The following PNPT1 variants were observed in gnomAD, a reference collection of about 807,000 sequenced individuals.
PNPT1 encodes polyribonucleotide nucleotidyltransferase 1.
Under a neutral mutation model 119.5 loss-of-function variants are expected in PNPT1, and 53 were observed. The observed-to-expected ratio is 0.44, with a 90% CI of 0.36 to 0.56. The LOEUF (loss-of-function observed/expected upper bound fraction) is 0.56, where lower values mean the gene tolerates loss of function less well. PNPT1 is among the 20% of genes least tolerant of loss of function. The probability of loss-of-function intolerance (pLI) is 0.00; values close to 1 mark genes in which losing one functional copy is unlikely to be tolerated. For synonymous variants in PNPT1, 357 were observed against 322.1 expected (o/e 1.11, Z -1.16); for missense variants, 948 against 938.5 (o/e 1.01, Z -0.13).
intron 1 of PNPT1, 132 bp downstream of exon 1, chr2:55,693,531 G>A: frequency 7.6e-7 from 1 of 1,320,096 alleles, no homozygotes; most frequent in Non-Finnish European, 1.0e-6. Flanking sequence ...GGGAAATTTG[G>A]AATTTAGGTT....
rs374234788 is a variant in PNPT1, at chr2:55,693,609, G to A, written c.161+54C>T. ...TACCCTGGGAGATGAATACGCTCAA[G>A]CTGGCTGGACAAGACACCTTATGAC... On this transcript the variant is annotated intron_variant, in intron 1 of 27. Transcript: ENST00000447944. 3.6e-5 allele frequency: 58 copies of A among 1,597,436 alleles called. No individual in the cohort carries two copies. The African/African-American group carries it at 7.0e-4, about 19-fold the overall frequency.
intron 1 of PNPT1, among the ~76,000 whole-genome samples, chr2:55,690,932 G>A (rs766015504): frequency 5.9e-5 from 9 of 152,192 alleles, no homozygotes; most frequent in Non-Finnish European, 1.0e-4. Context: ...GCTGAAATCA[G>A]TATTAAGTAA....
At chr2:55,657,284 GCA>G (rs1696415693) in intron 15 of PNPT1, among the ~76,000 whole-genome samples, 1 of 151,664 alleles carries the variant, frequency 6.6e-6, no homozygotes. Context: ...AGCCGAGACT[GCA>G]CCACTGCACT....
rs1485838680 is a variant in PNPT1, at chr2:55,643,408, CCTGA to C, written c.1920_1923del (p.Ser640ArgfsTer36). Reference sequence around the variant, plus strand: ...AATACAGAAAACGTTTCTTCATCCACCTGACTAATAGTTACACCTTTTAAAAACA... The same window carrying C: ...AATACAGAAAACGTTTCTTCATCCACCTAATAGTTACACCTTTTAAAAACA... On this transcript the variant is annotated frameshift_variant, in exon 24 of 28. Transcript: ENST00000447944. LOFTEE classifies it high-confidence loss of function. The C allele has an allele frequency of 3.1e-6, 5 of 1,613,776 alleles. No homozygotes were observed. The highest frequency in any genetic ancestry group is 3.3e-5 in the Admixed American group (2 of 59,996).
chr2:55,683,857 A>G (rs1038768179), intron 4 of PNPT1, 23 bp from the exon 5 acceptor site: 10 of 1,610,702 alleles, frequency 6.2e-6, no homozygotes, highest in Non-Finnish European at 7.6e-6. Flanking sequence ...AAAAAAACAC[A>G]TTAAACCGTA....
chr2:55,659,776 T>A (rs969860810), intron 15 of PNPT1, among the ~76,000 whole-genome samples: 59 of 152,282 alleles, frequency 3.9e-4, no homozygotes, highest in African/African-American at 1.4e-3. Flanking sequence ...AAATTGACCT[T>A]AATAGATATA....
At chr2:55,636,599 G>C (rs142470646) in intron 27 of PNPT1, among the ~76,000 whole-genome samples, 19 of 152,302 alleles carry the variant, frequency 1.2e-4, no homozygotes, top group Admixed American at 6.5e-4. Context: ...GCAGTTAGTT[G>C]TTCAACTATA....
At chr2:55,688,075 G>A (rs924081632) in intron 1 of PNPT1, among the ~76,000 whole-genome samples, 1 of 147,184 alleles carries the variant, frequency 6.8e-6, no homozygotes, top group Non-Finnish European at 1.5e-5. Flanking sequence ...ACAGGGTCTT[G>A]CTCTGTTGCC....
intron 15 of PNPT1, among the ~76,000 whole-genome samples, chr2:55,657,164 A>G (rs1696411469): frequency 6.6e-6 from 1 of 152,014 alleles, no homozygotes; most frequent in Non-Finnish European, 1.5e-5. Context: ...CCCTGTATCT[A>G]CTAAAAATAG....
chr2:55,648,109 C>G (rs547903077), intron 18 of PNPT1, among the ~76,000 whole-genome samples: 1 of 152,162 alleles, frequency 6.6e-6, no homozygotes, highest in Non-Finnish European at 1.5e-5. Context: ...GCCTGAACTC[C>G]TCAGTTTACC....
At position 55,673,134 on chromosome 2, in the gene PNPT1, T is replaced by C. The variant is rs1006666734; in HGVS notation, c.680-55A>G. 1.2e-5 allele frequency: 16 copies of C among 1,369,206 alleles called. No individual in the cohort carries two copies. The Admixed American group carries it at 2.1e-4, about 18-fold the overall frequency. 84.8% of individuals were successfully genotyped at this position (1,369,206 alleles called of 1,614,324 possible). A position where few individuals can be genotyped will look rare whatever the true frequency, so the allele number is the denominator to read the frequency against. On this transcript the variant is annotated intron_variant, in intron 8 of 27. Transcript: ENST00000447944. ...ACTGCCATCGAAGCTCTTAGTAATATAACATTTTCAAATACCATGACATGA... is the reference window on the plus strand; with the variant it reads ...ACTGCCATCGAAGCTCTTAGTAATACAACATTTTCAAATACCATGACATGA...
intron 25 of PNPT1, among the ~76,000 whole-genome samples, chr2:55,641,424 A>G (rs1695831600): frequency 6.6e-6 from 1 of 151,484 alleles, no homozygotes; most frequent in South Asian, 2.1e-4. Flanking sequence ...ATGTGCCACC[A>G]TGACCAGCTA....
chr2:55,679,688 G>T lies in PNPT1; in HGVS notation c.673C>A (p.Gln225Lys). The T allele has an allele frequency of 6.2e-7, 1 of 1,600,206 alleles. No homozygotes were observed. Among genetic ancestry groups the T allele is most frequent in the Non-Finnish European group, 8.6e-7 (1 of 1,168,926 alleles). The change falls in exon 8 of 28, where the codon CAG (glutamine) becomes AAG (lysine). Residue 225 changes from glutamine to lysine, a missense_variant. Coordinates refer to ENST00000447944, the MANE Select transcript of PNPT1 (RefSeq NM_033109.5). ...GGTATTTAAAACAACTTACCAATCTGACTTTTAGGTGCTCCAGCAACCACT... is the reference window on the plus strand; with the variant it reads ...GGTATTTAAAACAACTTACCAATCTTACTTTTAGGTGCTCCAGCAACCACT... ...NLVVAGAPKSQIVMLEASAEN... is the reference protein window; with the variant it reads ...NLVVAGAPKSKIVMLEASAEN...
intron 1 of PNPT1, among the ~76,000 whole-genome samples, chr2:55,689,578 A>G (rs1042611830): frequency 2.0e-5 from 3 of 152,222 alleles, no homozygotes; most frequent in African/African-American, 7.2e-5. Context: ...AACCCTGACA[A>G]CATTATGTTA....
In PNPT1 at chr2:55,645,439, G is replaced by C. The variant is rs779222665; in HGVS notation, c.1739-7C>G. 10 of 1,574,944 alleles carry C rather than the reference G, an allele frequency of 6.3e-6. No individual in the cohort carries two copies. The highest frequency in any genetic ancestry group is 8.7e-6 in the Non-Finnish European group (10 of 1,147,788). On this transcript the variant is annotated splice_polypyrimidine_tract_variant and splice_region_variant and intron_variant, in intron 21 of 27. Transcript: ENST00000447944. The stretch of plus-strand genomic sequence containing the variant: ...AATATCTCCTTTTTTGCCACTAGAA[G>C]AGAAAAACACAAAAATTATAACTAC...
At chr2:55,668,164 T>A (rs75105764) in intron 11 of PNPT1, among the ~76,000 whole-genome samples, 1 of 152,316 alleles carries the variant, frequency 6.6e-6, no homozygotes, top group East Asian at 1.9e-4. Flanking sequence ...TACAACTGTG[T>A]TGTTATTGTG....
In PNPT1 at chr2:55,675,103, TAAC is replaced by T. The variant is rs539835488; in HGVS notation, c.680-2027_680-2025del. Among the ~76,000 whole-genome samples, 114 of 151,612 alleles carry T rather than the reference TAAC, an allele frequency of 7.5e-4. No individual in the cohort carries two copies. In the Middle Eastern group the frequency reaches 0.01, roughly 14 times the overall value. On this transcript the variant is annotated intron_variant, in intron 8 of 27. Coordinates refer to ENST00000447944, the MANE Select transcript of PNPT1 (RefSeq NM_033109.5). Reference sequence around the variant, plus strand: ...CAGCAAGGTCCTGTCCCTAAAAAGATAACAACTAGAAGATAAAAAACTCAGCTG... The same window carrying T: ...CAGCAAGGTCCTGTCCCTAAAAAGATAACTAGAAGATAAAAAACTCAGCTG...
At chr2:55,691,395 T>C (rs1452836726) in intron 1 of PNPT1, among the ~76,000 whole-genome samples, 1 of 152,246 alleles carries the variant, frequency 6.6e-6, no homozygotes, top group African/African-American at 2.4e-5. Flanking sequence ...ACAAATATAA[T>C]GTGCCTGGTA....
Position 55,637,539 on chromosome 2 carries a change from G to A in PNPT1, c.2196+13C>T, listed in dbSNP as rs748426954. The stretch of plus-strand genomic sequence containing the variant: ...ATTTACAACTTCAAGGCTAAAAGGT[G>A]GAATACAAATACCTGAATTTCTTGG... On this transcript the variant is annotated intron_variant, in intron 27 of 27. Coordinates refer to ENST00000447944, the MANE Select transcript of PNPT1 (RefSeq NM_033109.5). 6.3e-7 allele frequency: 1 copy of A among 1,588,330 alleles called. No homozygotes were observed. Among genetic ancestry groups the A allele is most frequent in the Non-Finnish European group, 8.6e-7 (1 of 1,156,924 alleles).
Sources: allele counts gnomAD v4.1 joint callset (sites outside exome capture counted in the v4.1 genomes callset), GRCh38; gene constraint gnomAD v4.1.1; transcripts MANE v1.5; gene names NCBI Gene and HGNC (gene_info 2026-07-23, HGNC 2026-07-21).